TMEM201: variants seen among roughly 807,000 people sequenced by gnomAD.
TMEM201 encodes RP13-15M17.2.
TMEM201 carries 26 observed loss-of-function variants against 63.4 expected under a neutral mutation model. The ratio of observed to expected loss-of-function variants is 0.41; its 90% CI spans 0.30 to 0.57. The LOEUF is 0.57. TMEM201 is among the 20% of genes least tolerant of loss of function. TMEM201 has a pLI of 0.29. For missense variants in TMEM201, 794 were observed against 917.7 expected, an observed-to-expected ratio of 0.87 and a Z score of 1.74; for synonymous variants, 417 against 421.6, an observed-to-expected ratio of 0.99 and a Z score of 0.14.
Position 9,611,965 on chromosome 1 carries a change from G to C in TMEM201, c.1903+75G>C, listed in dbSNP as rs1325391480. 7 of 1,438,922 alleles carry C rather than the reference G, an allele frequency of 4.9e-6. No homozygotes were observed. The Admixed American group carries it at 1.6e-4, about 34-fold the overall frequency. The allele number at this position is 1,438,922 out of a possible 1,614,324, so 89.1% of individuals were successfully genotyped here. A position where few individuals can be genotyped will look rare whatever the true frequency, so the allele number is the denominator to read the frequency against. On this transcript the variant is annotated intron_variant, in intron 10 of 10. Coordinates refer to ENST00000340381, the MANE Select transcript of TMEM201 (RefSeq NM_001130924.3). ...CCACCATCTCCCCCAGGGGGGTCCA[G>C]AGCACTGACAGAAAGAATCTTCCAG...
In TMEM201 at chr1:9,603,225, A is replaced by G. The variant is rs1373455058; in HGVS notation, c.1160+953A>G. ...GGGGCAGCCCACAGACCTGCTCCTC[A>G]GTAGCAGGGCCTGGCCAGGCCCCTG... is the stretch of plus-strand genomic sequence containing the variant. On this transcript the variant is annotated intron_variant, in intron 6 of 10. Coordinates refer to ENST00000340381, the MANE Select transcript of TMEM201 (RefSeq NM_001130924.3). The surrounding 1 kb of genome is among the most constrained non-coding windows in gnomAD (Gnocchi z 4.5). The G allele has an allele frequency of 3.2e-5, 32 of 985,306 alleles. No individual in the cohort carries two copies. Among genetic ancestry groups the G allele is most frequent in the Non-Finnish European group, 3.9e-5 (32 of 829,936 alleles). The allele number at this position is 985,306 out of a possible 1,614,324, so 61.0% of individuals were successfully genotyped here. A position where few individuals can be genotyped will look rare whatever the true frequency, so the allele number is the denominator to read the frequency against.
In TMEM201 at chr1:9,609,866, C is replaced by T. The variant is rs760771377; in HGVS notation, c.1420C>T (p.Arg474Cys). 184 of 1,551,444 alleles carry T rather than the reference C, an allele frequency of 1.2e-4. No homozygotes were observed. The East Asian group carries it at 2.7e-3, about 22-fold the overall frequency. ...CTCCGGCTATCTGTTCAGCGGTAGC[C>T]GCCCACCATCTCAGGTGTCTCGATC... ...ADSGYLFSGS[R>C]PPSQVSRSGE... is the part of the protein sequence containing the mutation. The change falls in exon 8 of 11, where the codon CGC (arginine) becomes TGC (cysteine). Residue 474 changes from arginine (R) to cysteine (C), a missense_variant. Arg to Cys is a radical substitution (Grantham distance 180, BLOSUM62 -3). Transcript: ENST00000340381.
chr1:9,593,700 A>T (rs1490196111), intron 1 of TMEM201, among the ~76,000 whole-genome samples: 3 of 152,230 alleles, frequency 2.0e-5, no homozygotes, highest in African/African-American at 7.2e-5. Flanking sequence ...CTCAGCTGTC[A>T]TTGGTCCCCT....
Position 9,603,792 on chromosome 1 carries a change from G to T in TMEM201, c.1160+1520G>T. 1 of 985,458 alleles carries T rather than the reference G, an allele frequency of 1.0e-6. No homozygotes were observed. The highest frequency in any genetic ancestry group is 1.2e-6 in the Non-Finnish European group (1 of 829,954). The allele number at this position is 985,458 out of a possible 1,614,324, so 61.0% of individuals were successfully genotyped here. A position where few individuals can be genotyped will look rare whatever the true frequency, so the allele number is the denominator to read the frequency against. On this transcript the variant is annotated intron_variant, in intron 6 of 10. Coordinates refer to ENST00000340381, the MANE Select transcript of TMEM201 (RefSeq NM_001130924.3). This position sits in a 1 kb window ranked among gnomAD's most constrained non-coding sequence, Gnocchi z 4.5. ...CACAAGTGAGGAACCCAGGTGCATC[G>T]GGAGACCCTCGGGGGCTTCTGTGGC... is the stretch of plus-strand genomic sequence containing the variant.
chr1:9,607,675 C>T lies in TMEM201; in HGVS notation c.1279C>T (p.Pro427Ser). The change falls in exon 7 of 11, where the codon CCC becomes TCC. Residue 427 changes from proline to serine, a missense_variant. Pro to Ser is a moderately conservative substitution (Grantham distance 74). Transcript: ENST00000340381. This position sits in a 1 kb window ranked among gnomAD's most constrained non-coding sequence, Gnocchi z 5.4. ...LFIPSPPSFL[P>S]LANQQLFRSP... is the part of the protein sequence containing the mutation. ...CATCCCCAGCCCGCCCAGCTTCCTG[C>T]CCCTCGCCAACCAGCAGCTCTTCCG... 1 of 1,551,950 alleles carries T rather than the reference C, an allele frequency of 6.4e-7. No individual in the cohort carries two copies. Among genetic ancestry groups the T allele is most frequent in the South Asian group, 1.2e-5 (1 of 84,050 alleles).
At chr1:9,612,920 G>C in intron 10 of TMEM201, 66 bp from the exon 11 acceptor site, 1 of 1,382,808 alleles carries the variant, frequency 7.2e-7, no homozygotes, top group Non-Finnish European at 1.0e-6. Flanking sequence ...TGCTCTAGGG[G>C]GCTGCTCAGC....
chr1:9,593,916 T>C (rs1297271953), intron 1 of TMEM201, among the ~76,000 whole-genome samples: 3 of 152,220 alleles, frequency 2.0e-5, no homozygotes, highest in African/African-American at 7.2e-5. Flanking sequence ...CAGCTAGTAA[T>C]TAGCACAGGG....
chr1:9,603,535 C>T lies in TMEM201; in HGVS notation c.1160+1263C>T. Reference sequence around the variant, plus strand: ...CCACTCGCCACTCTGAGCACGAGTTCACCTTCCAGATGTGGCCAGGGTGTG... The same window carrying T: ...CCACTCGCCACTCTGAGCACGAGTTTACCTTCCAGATGTGGCCAGGGTGTG... On this transcript the variant is annotated intron_variant, in intron 6 of 10. Transcript: ENST00000340381. This position sits in a 1 kb window ranked among gnomAD's most constrained non-coding sequence, Gnocchi z 4.5. 1.0e-6 allele frequency: 1 copy of T among 985,594 alleles called. No individual in the cohort carries two copies. The highest frequency in any genetic ancestry group is 1.2e-6 in the Non-Finnish European group (1 of 830,032). The allele number at this position is 985,594 out of a possible 1,614,324, so 61.1% of individuals were successfully genotyped here. A position where few individuals can be genotyped will look rare whatever the true frequency, so the allele number is the denominator to read the frequency against.
At chr1:9,589,088 CAGG>C in intron 1 of TMEM201, 45 bp downstream of exon 1, 1 of 864,736 alleles carries the variant, frequency 1.2e-6, no homozygotes, top group Non-Finnish European at 1.4e-6. Flanking sequence ...CGCCGCCCGC[CAGG>C]CCCGCCCCCG....
At chr1:9,592,240 G>C (rs1643933541) in intron 1 of TMEM201, among the ~76,000 whole-genome samples, 1 of 152,228 alleles carries the variant, frequency 6.6e-6, no homozygotes, top group South Asian at 2.1e-4. Context: ...ATGAAACACG[G>C]TGTTGCCCAC....
chr1:9,610,939 C>CA lies in TMEM201; in HGVS notation c.1765+134_1765+135insA, dbSNP rs200379760. 1 of 1,501,762 alleles carries CA rather than the reference C, an allele frequency of 6.7e-7. No individual in the cohort carries two copies. The highest frequency in any genetic ancestry group is 2.5e-5 in the East Asian group (1 of 40,536). 93.0% of individuals were successfully genotyped at this position (1,501,762 alleles called of 1,614,324 possible). ...CTTCCCACCCTGGAGCTCTAGGCAC[C>CA]CCATTCCGGCTCTGGTGACTTGAAC... On this transcript the variant is annotated intron_variant, in intron 9 of 10. Coordinates refer to ENST00000340381, the MANE Select transcript of TMEM201 (RefSeq NM_001130924.3). This position sits in a 1 kb window ranked among gnomAD's most constrained non-coding sequence, Gnocchi z 4.9.
At chr1:9,597,778 G>A (rs1158851582) in intron 3 of TMEM201, among the ~76,000 whole-genome samples, 1 of 152,190 alleles carries the variant, frequency 6.6e-6, no homozygotes, top group Non-Finnish European at 1.5e-5. Context: ...GGGAACCTGC[G>A]AGAAGGGGAA....
At chr1:9,606,517 C>T (rs1291535064) in intron 6 of TMEM201, 4 of 152,238 alleles carry the variant, frequency 2.6e-5, no homozygotes, top group East Asian at 1.9e-4. Flanking sequence ...TAGCGATCCC[C>T]GAGCATGCAG....
intron 1 of TMEM201, among the ~76,000 whole-genome samples, chr1:9,595,231 A>T (rs1171789211): frequency 1.3e-5 from 2 of 152,142 alleles, no homozygotes; most frequent in Admixed American, 6.5e-5. Context: ...GGCTGGGATT[A>T]TCCCGAGGCC....
At chr1:9,595,729 C>G (rs1245634234) in intron 1 of TMEM201, among the ~76,000 whole-genome samples, 161 bp from the exon 2 acceptor site, 1 of 152,166 alleles carries the variant, frequency 6.6e-6, no homozygotes, top group African/African-American at 2.4e-5. Flanking sequence ...GCCCTTGTTC[C>G]TCCTGCTGTT....
intron 1 of TMEM201, among the ~76,000 whole-genome samples, chr1:9,593,321 T>A (rs1360697106): frequency 6.6e-6 from 1 of 152,096 alleles, no homozygotes; most frequent in Admixed American, 6.5e-5. Context: ...CATGCCCAGC[T>A]CCCCATCGAC....
chr1:9,612,166 T>A (rs1250059786), intron 10 of TMEM201, among the ~76,000 whole-genome samples: 1 of 152,228 alleles, frequency 6.6e-6, no homozygotes, highest in Admixed American at 6.5e-5. Flanking sequence ...TTAAATAAAG[T>A]TTGAAATGTA....
Position 9,603,237 on chromosome 1 carries a change from T to C in TMEM201, c.1160+965T>C. ...AGACCTGCTCCTCAGTAGCAGGGCC[T>C]GGCCAGGCCCCTGCTGTTCTCAGCC... is the stretch of plus-strand genomic sequence containing the variant. On this transcript the variant is annotated intron_variant, in intron 6 of 10. Transcript: ENST00000340381. This position sits in a 1 kb window ranked among gnomAD's most constrained non-coding sequence, Gnocchi z 4.5. The C allele has an allele frequency of 1.0e-6, 1 of 985,334 alleles. No individual in the cohort carries two copies. The highest frequency in any genetic ancestry group is 1.2e-6 in the Non-Finnish European group (1 of 829,846). 61.0% of individuals were successfully genotyped at this position (985,334 alleles called of 1,614,324 possible). A position where few individuals can be genotyped will look rare whatever the true frequency, so the allele number is the denominator to read the frequency against.
In TMEM201 at chr1:9,601,119, C is replaced by G; in HGVS notation, c.621C>G (p.Ala207=). The part of the protein sequence containing the change: ...DQTHAQNFSS[A]VKSPVQVILL... ...CTCCTTTGCAGAACTTCTCCTCCGC[C>G]GTGAAGTCCCCGGTCCAGGTCATCC... Residue 207 remains alanine, a synonymous_variant, in exon 5 of 11, where the codon GCC becomes GCG. Transcript: ENST00000340381. 6.3e-7 allele frequency: 1 copy of G among 1,590,298 alleles called. No homozygotes were observed. Among genetic ancestry groups the G allele is most frequent in the South Asian group, 1.1e-5 (1 of 89,742 alleles).
Sources: gnomAD v4.1 joint callset for allele counts (sites outside exome capture counted in the v4.1 genomes callset) on GRCh38, gnomAD v4.1.1 for gene constraint, Gnocchi (gnomAD v3.1) non-coding constraint, MANE v1.5 for transcripts, NCBI Gene and HGNC (gene_info 2026-07-23, HGNC 2026-07-21) for gene names.